The following CHST10 variants were observed in gnomAD, a reference collection of about 807,000 sequenced individuals.
The protein encoded by CHST10 is HNK-1 sulfotransferase.
In CHST10, 24 loss-of-function variants were observed where a neutral mutation model predicts 34.7. That is an observed-to-expected ratio of 0.69 (90% confidence interval 0.50 to 0.97). The LOEUF (loss-of-function observed/expected upper bound fraction) is 0.97. CHST10 is among the 50% of genes least tolerant of loss of function. The pLI is 0.00. For missense variants in CHST10, 402 were observed against 452.1 expected (o/e 0.89, Z 1.00); for synonymous variants, 161 against 169.3 (o/e 0.95, Z 0.38).
chr2:100,412,581 T>C (rs559958688), intron 2 of CHST10, among the ~76,000 whole-genome samples: 1 of 152,286 alleles, frequency 6.6e-6, no homozygotes, highest in South Asian at 2.1e-4. Context: ...GGACTGAGAA[T>C]TGCTGGTCCA....
chr2:100,397,673 G>C (rs113032619), intron 5 of CHST10, among the ~76,000 whole-genome samples: 103 of 152,346 alleles, frequency 6.8e-4, no homozygotes, highest in African/African-American at 2.4e-3. Context: ...TGACAGGTGA[G>C]GAGAGCTGGA....
intron 3 of CHST10, among the ~76,000 whole-genome samples, chr2:100,404,017 T>G (rs1283076197): frequency 1.3e-5 from 2 of 152,204 alleles, no homozygotes; most frequent in Non-Finnish European, 1.5e-5. Context: ...TAAATGCTCT[T>G]GATGCTTCAG....
chr2:100,396,623 C>T (rs116013655), intron 5 of CHST10, among the ~76,000 whole-genome samples: 6 of 152,114 alleles, frequency 3.9e-5, no homozygotes, highest in Admixed American at 2.0e-4. Flanking sequence ...GTAAACTAGG[C>T]GTGGGGAGCA....
chr2:100,408,610 A>C (rs1675686034), intron 2 of CHST10: 1 of 150,722 alleles, frequency 6.6e-6, no homozygotes, highest in South Asian at 2.1e-4. Context: ...TTTCCAGCTT[A>C]ATCTACACCT....
chr2:100,413,459 C>T (rs959991713), intron 2 of CHST10, among the ~76,000 whole-genome samples: 6 of 152,184 alleles, frequency 3.9e-5, no homozygotes, highest in African/African-American at 1.4e-4. Context: ...GTTCAACCCA[C>T]AAGGATGAAC....
intron 1 of CHST10, among the ~76,000 whole-genome samples, chr2:100,415,445 A>G (rs1284805915): frequency 2.6e-5 from 4 of 152,208 alleles, no homozygotes; most frequent in Admixed American, 6.5e-5. Flanking sequence ...AAGATGATCA[A>G]TTCTTCCAAT....
Position 100,402,604 on chromosome 2 carries a change from C to T in CHST10, c.152G>A (p.Arg51Lys). Residue 51 changes from arginine to lysine, a missense_variant, in exon 4 of 7, where the codon AGG becomes AAG. By Grantham distance (26) the Arg-to-Lys change is conservative. Transcript: ENST00000264249. Reference sequence around the variant, plus strand: ...AATGTGCTTCTCTTCTGGCAACTTCCTCACTTCCGGCATGGTTGTCAGGAA... The same window carrying T: ...AATGTGCTTCTCTTCTGGCAACTTCTTCACTTCCGGCATGGTTGTCAGGAA... Reference protein sequence around the residue: ...FLFLTTMPEVRKLPEEKHIPE... With the variant: ...FLFLTTMPEVKKLPEEKHIPE... 1 of 1,614,030 alleles carries T rather than the reference C, an allele frequency of 6.2e-7. No homozygotes were observed. The highest frequency in any genetic ancestry group is 8.5e-7 in the Non-Finnish European group (1 of 1,179,916).
Position 100,392,411 on chromosome 2 carries a change from CT to C in CHST10, c.*833del, listed in dbSNP as rs1385009887. The C allele has an allele frequency of 6.6e-6, 1 of 152,496 alleles. No individual in the cohort carries two copies. Among genetic ancestry groups the C allele is most frequent in the Non-Finnish European group, 1.5e-5 (1 of 68,138 alleles). 9.4% of individuals were successfully genotyped at this position (152,496 alleles called of 1,614,324 possible). A position where few individuals can be genotyped will look rare whatever the true frequency, so the allele number is the denominator to read the frequency against. On this transcript the variant is annotated 3_prime_UTR_variant, in exon 7 of 7. Coordinates refer to ENST00000264249, the MANE Select transcript of CHST10 (RefSeq NM_004854.5). ...CTGATGCGCCGGGATCCACAGCAGC[CT>C]GAGCTCCAAGCCCAACCAGCGCCCC...
rs755810122 is a variant in CHST10, at chr2:100,398,114, T to A, written c.221A>T (p.Gln74Leu). The A allele has an allele frequency of 7.4e-5, 120 of 1,613,160 alleles. No individual in the cohort carries two copies. Among genetic ancestry groups the A allele is most frequent in the Non-Finnish European group, 9.7e-5 (115 of 1,179,596 alleles). Reference protein sequence around the residue: ...KPTGKELPDSQLVQPLVYMER... With the variant: ...KPTGKELPDSLLVQPLVYMER... The stretch of plus-strand genomic sequence containing the variant: ...CATGTAGACCAGGGGCTGAACGAGC[T>A]GGCTGTCTGGAAGCTCCTTCCCAGT... The change falls in exon 5 of 7, where the codon CAG becomes CTG. Residue 74 changes from glutamine (Q) to leucine (L), a missense_variant. Transcript: ENST00000264249.
chr2:100,414,525 A>G (rs1675983522), intron 2 of CHST10, among the ~76,000 whole-genome samples: 1 of 152,200 alleles, frequency 6.6e-6, no homozygotes, highest in South Asian at 2.1e-4. Flanking sequence ...TACCCTATCA[A>G]TAGAATCATT....
At chr2:100,411,116 C>CTT (rs66495740) in intron 2 of CHST10, among the ~76,000 whole-genome samples, 1,558 of 129,066 alleles carry the variant, frequency 0.012, 50 homozygotes, top group African/African-American at 0.044. Flanking sequence ...AGCATTTTTT[C>CTT]TTTTTTTTTT....
chr2:100,404,434 G>A (rs1336053719), intron 3 of CHST10, among the ~76,000 whole-genome samples: 2 of 152,330 alleles, frequency 1.3e-5, no homozygotes, highest in African/African-American at 4.8e-5. Context: ...AAGGACCGCT[G>A]CGGTGCTCCT....
intron 2 of CHST10, among the ~76,000 whole-genome samples, chr2:100,409,349 T>C (rs10172841): frequency 0.16 from 23,896 of 152,144 alleles, 4,542 homozygotes; most frequent in African/African-American, 0.45. Flanking sequence ...ACCTCTTCTG[T>C]TCTCCAGGAA....
intron 2 of CHST10, among the ~76,000 whole-genome samples, chr2:100,410,554 A>G (rs920731785): frequency 2.6e-5 from 4 of 152,192 alleles, no homozygotes; most frequent in Admixed American, 2.0e-4. Context: ...AAGGTACTTC[A>G]GGAGGCAGCC....
chr2:100,406,610 G>A lies in CHST10; in HGVS notation c.66C>T (p.Ser22=). ...FWVIFMFMVA[S]KFITLTFKDP... The stretch of plus-strand genomic sequence containing the variant: ...CTTTAAAGGTCAACGTGATGAACTT[G>A]CTAGCCACCATGAACATGAAAATCA... Residue 22 remains serine (S), a synonymous_variant, in exon 3 of 7, where the codon AGC becomes AGT. Coordinates refer to ENST00000264249, the MANE Select transcript of CHST10 (RefSeq NM_004854.5). 6.2e-7 allele frequency: 1 copy of A among 1,614,202 alleles called. No individual in the cohort carries two copies. Among genetic ancestry groups the A allele is most frequent in the Non-Finnish European group, 8.5e-7 (1 of 1,180,026 alleles).
intron 1 of CHST10, chr2:100,416,389 C>G (rs1412402123): frequency 2.6e-5 from 4 of 152,222 alleles, no homozygotes; most frequent in African/African-American, 4.8e-5. Flanking sequence ...CTTTGAGATT[C>G]TATTCTTCAG....
Position 100,398,037 on chromosome 2 carries a change from G to A in CHST10, c.298C>T (p.Leu100Phe). Reference sequence around the variant, plus strand: ...AACTTGGAGACAGGAGTGTGCGAGAGATTCTTCAGGGCATCATCCCTGCAG... The same window carrying A: ...AACTTGGAGACAGGAGTGTGCGAGAAATTCTTCAGGGCATCATCCCTGCAG... ...NVCRDDALKN[L>F]SHTPVSKFVL... The change falls in exon 5 of 7, where the codon CTC becomes TTC. Residue 100 changes from leucine to phenylalanine, a missense_variant. Leu to Phe is a conservative substitution (Grantham distance 22, BLOSUM62 0). Transcript: ENST00000264249. 1.2e-6 allele frequency: 2 copies of A among 1,614,202 alleles called. No individual in the cohort carries two copies. The highest frequency in any genetic ancestry group is 1.7e-6 in the Non-Finnish European group (2 of 1,180,028).
rs184386859 is a variant in CHST10 at position 100,395,839 on chromosome 2, C to T, written c.428-225G>A. Among the ~76,000 whole-genome samples the T allele has an allele frequency of 1.3e-3, 205 of 152,292 alleles. 1 individual carries two copies. Among genetic ancestry groups the T allele is most frequent in the Admixed American group, 4.5e-3 (69 of 15,304 alleles). ...GAATCCATAAGCCAACTAGAGGAAACTGATGATTTCAGGGAGGAGGGGGAG... is the reference window on the plus strand; with the variant it reads ...GAATCCATAAGCCAACTAGAGGAAATTGATGATTTCAGGGAGGAGGGGGAG... On this transcript the variant is annotated intron_variant, in intron 5 of 6. Coordinates refer to ENST00000264249, the MANE Select transcript of CHST10 (RefSeq NM_004854.5).
chr2:100,397,764 A>C, intron 5 of CHST10, 144 bp downstream of exon 5: 1 of 649,142 alleles, frequency 1.5e-6, no homozygotes, highest in South Asian at 2.0e-5. Context: ...ACAGGAAACA[A>C]CAAAAACAGG....
Sources: allele counts gnomAD v4.1 joint callset (sites outside exome capture counted in the v4.1 genomes callset), GRCh38; gene constraint gnomAD v4.1.1; transcripts MANE v1.5; gene names NCBI Gene and HGNC (gene_info 2026-07-23, HGNC 2026-07-21).